The following KIAA1217 variants were observed in gnomAD, a reference collection of about 807,000 sequenced individuals.
KIAA1217 encodes KIAA1217.
A neutral mutation model predicts 163.9 loss-of-function variants in KIAA1217; 88 were observed. The observed-to-expected ratio is 0.54, with a 90% CI of 0.45 to 0.64. The LOEUF (loss-of-function observed/expected upper bound fraction) is 0.64, where lower values mean the gene tolerates loss of function less well. Ranked by LOEUF, KIAA1217 falls within the 30% of genes least tolerant of loss-of-function variation. KIAA1217 has a pLI of 0.00. For missense variants in KIAA1217, 2,372 were observed against 2,475.0 expected (o/e 0.96, Z 0.88); for synonymous variants, 903 against 923.1 (o/e 0.98, Z 0.39).
chr10:23,949,797 G>T (rs1489919841), intron 1 of KIAA1217, among the ~76,000 whole-genome samples: 2 of 152,146 alleles, frequency 1.3e-5, no homozygotes, highest in East Asian at 1.9e-4. Context: ...GAACTTCTTT[G>T]TAATTAAATG....
chr10:24,541,691 G>A (rs2075114564), intron 17 of KIAA1217, among the ~76,000 whole-genome samples: 1 of 152,212 alleles, frequency 6.6e-6, no homozygotes, highest in Non-Finnish European at 1.5e-5. Context: ...GATACACCTT[G>A]GGAAAGGCCA....
intron 1 of KIAA1217, among the ~76,000 whole-genome samples, chr10:23,897,816 A>G (rs1417116033): frequency 6.6e-6 from 1 of 151,078 alleles, no homozygotes; most frequent in Non-Finnish European, 1.5e-5. Flanking sequence ...TAAAATGTAA[A>G]TCTTCCTAAA....
intron 12 of KIAA1217, among the ~76,000 whole-genome samples, chr10:24,523,892 C>G (rs4748951): frequency 0.95 from 144,341 of 152,274 alleles, 68,590 homozygotes; most frequent in Middle Eastern, 0.98. Flanking sequence ...GGCAAGACTT[C>G]GTTGAATCCA....
chr10:24,260,971 G>GA lies in KIAA1217; in HGVS notation c.354+41064dup, dbSNP rs2075664193. On this transcript the variant is annotated intron_variant, in intron 2 of 20. Transcript: ENST00000376454. ...ACATAATAATGGGTTCACAGTATTG[G>GA]AAGGGGGAGGACAAAATGCCTGTTT... Among the ~76,000 whole-genome samples, 5 of 152,258 alleles carry GA rather than the reference G, an allele frequency of 3.3e-5. No individual in the cohort carries two copies. In the South Asian group the frequency reaches 1.0e-3, roughly 32 times the overall value.
chr10:24,283,972 C>T (rs377216325), intron 2 of KIAA1217, among the ~76,000 whole-genome samples: 23 of 151,514 alleles, frequency 1.5e-4, no homozygotes, highest in African/African-American at 3.4e-4. Context: ...TGCATTGGTG[C>T]GATCTCAGCT....
intron 2 of KIAA1217, among the ~76,000 whole-genome samples, chr10:24,070,477 GTAATACAAA>G (rs1336834775): frequency 6.6e-6 from 1 of 152,162 alleles, no homozygotes; most frequent in African/African-American, 2.4e-5. Flanking sequence ...GTATACAATA[GTAATACAAA>G]TAATACAAGT....
chr10:24,545,994 G>A lies in KIAA1217; in HGVS notation c.5502G>A (p.Ser1834=), dbSNP rs770638761. 2.5e-6 allele frequency: 4 copies of A among 1,613,912 alleles called. No homozygotes were observed. Among genetic ancestry groups the A allele is most frequent in the Non-Finnish European group, 3.4e-6 (4 of 1,179,982 alleles). The change falls in exon 21 of 21, where the codon TCG becomes TCA. Residue 1834 remains serine, a synonymous_variant. Transcript: ENST00000376454. The part of the protein sequence containing the change: ...NLPNPPATKP[S]IASNPLSPQT... Reference sequence around the variant, plus strand: ...CTAATCCACCTGCTACTAAACCATCGATTGCTTCTAACCCTCTCAGCCCCC... The same window carrying A: ...CTAATCCACCTGCTACTAAACCATCAATTGCTTCTAACCCTCTCAGCCCCC...
At chr10:23,721,792 T>C (rs917575738) in intron 1 of KIAA1217, among the ~76,000 whole-genome samples, 2 of 152,130 alleles carry the variant, frequency 1.3e-5, no homozygotes, top group African/African-American at 4.8e-5. Flanking sequence ...TCAACCCAAA[T>C]GCCTGAAGCT....
chr10:23,707,321 G>C (rs985739940), intron 1 of KIAA1217, among the ~76,000 whole-genome samples: 3 of 152,148 alleles, frequency 2.0e-5, no homozygotes, highest in African/African-American at 2.4e-5. Context: ...GGAACACAGA[G>C]AGCAGGAGGA....
chr10:24,418,373 C>A (rs1041524734), intron 3 of KIAA1217, among the ~76,000 whole-genome samples: 1 of 152,256 alleles, frequency 6.6e-6, no homozygotes, highest in Middle Eastern at 3.4e-3. Context: ...CAGTATCTTT[C>A]TCCCCCAACT....
chr10:23,789,976 T>TGTATATATACACATATACATATACAC lies in KIAA1217; in HGVS notation c.-321+94742_-321+94743insGTATATATACACATATACATATACAC, dbSNP rs1564421171. 3.0e-4 allele frequency among the ~76,000 whole-genome samples: 27 copies of TGTATATATACACATATACATATACAC among 89,302 alleles called. 3 individuals carry two copies. Among genetic ancestry groups the TGTATATATACACATATACATATACAC allele is most frequent in the East Asian group, 1.4e-3 (5 of 3,630 alleles). 58.6% of individuals were successfully genotyped at this position (89,302 alleles called of 152,430 possible). A position where few individuals can be genotyped will look rare whatever the true frequency, so the allele number is the denominator to read the frequency against. ...GTATATATACACATATACATATACA[T>TGTATATATACACATATACATATACAC]ATATACACATATACATATACACATA... On this transcript the variant is annotated intron_variant, in intron 1 of 18. Coordinates refer to the KIAA1217 transcript ENST00000376462.
intron 1 of KIAA1217, among the ~76,000 whole-genome samples, chr10:23,749,980 CTCT>C (rs1316982826): frequency 2.6e-5 from 4 of 151,946 alleles, no homozygotes; most frequent in Non-Finnish European, 5.9e-5. Context: ...CGTTTCCTTT[CTCT>C]TCTTCTCTTC....
chr10:24,505,244 A>G (rs1319663462), intron 9 of KIAA1217, among the ~76,000 whole-genome samples: 1 of 150,416 alleles, frequency 6.6e-6, no homozygotes. Context: ...CCCAGTGGCT[A>G]ATCTAGTATG....
intron 7 of KIAA1217, 131 bp downstream of exon 7, chr10:24,494,735 T>C (rs1272398966): frequency 1.4e-6 from 1 of 700,442 alleles, no homozygotes; most frequent in African/African-American, 1.8e-5. Context: ...TCTCTATGGA[T>C]CATGGGCGTT....
At chr10:24,513,549 C>A in intron 10 of KIAA1217, 115 bp downstream of exon 10, 1 of 968,876 alleles carries the variant, frequency 1.0e-6, no homozygotes, top group Non-Finnish European at 1.5e-6. Flanking sequence ...TGAGCACCTA[C>A]TGTGTAAAAG....
intron 2 of KIAA1217, among the ~76,000 whole-genome samples, chr10:24,319,569 G>A (rs901043250): frequency 3.3e-5 from 5 of 152,250 alleles, no homozygotes; most frequent in Middle Eastern, 3.4e-3. Flanking sequence ...TGCATGGTTG[G>A]GGAGTTAGGA....
At chr10:23,754,256 T>A (rs887944320) in intron 1 of KIAA1217, among the ~76,000 whole-genome samples, 3 of 152,112 alleles carry the variant, frequency 2.0e-5, no homozygotes, top group Admixed American at 6.6e-5. Flanking sequence ...GAGACAATCA[T>A]GTCAAAAAAG....
chr10:24,045,837 C>T (rs1368890801), intron 2 of KIAA1217, among the ~76,000 whole-genome samples: 1 of 152,088 alleles, frequency 6.6e-6, no homozygotes, highest in Admixed American at 6.6e-5. Context: ...CCAATGGTCT[C>T]AATTGAGCCC....
chr10:23,948,967 T>C (rs1263130847), intron 1 of KIAA1217, among the ~76,000 whole-genome samples: 1 of 152,156 alleles, frequency 6.6e-6, no homozygotes, highest in Non-Finnish European at 1.5e-5. Flanking sequence ...TCTGCTAAAC[T>C]GTGAGCCCTC....
Sources: allele counts gnomAD v4.1 joint callset (sites outside exome capture counted in the v4.1 genomes callset), GRCh38; gene constraint gnomAD v4.1.1; transcripts MANE v1.5; gene names NCBI Gene and HGNC (gene_info 2026-07-23, HGNC 2026-07-21).